TSHZ3: variants seen among roughly 807,000 people sequenced by gnomAD.
TSHZ3 encodes teashirt zinc finger homeobox 3.
TSHZ3 carries 10 observed loss-of-function variants against 64.5 expected under a neutral mutation model. The observed-to-expected ratio is 0.16, with a 90% CI of 0.10 to 0.26. The LOEUF is 0.26. TSHZ3 is among the 10% of genes least tolerant of loss of function. TSHZ3 has a pLI of 1.00. For synonymous variants in TSHZ3, 608 were observed against 593.1 expected, an observed-to-expected ratio of 1.03 and a Z score of -0.36; for missense variants, 1,242 against 1,421.7, an observed-to-expected ratio of 0.87 and a Z score of 2.03.
intron 5 of TSHZ3, among the ~76,000 whole-genome samples, chr19:31,186,558 C>A (rs1205696738): frequency 1.3e-5 from 2 of 152,194 alleles, no homozygotes; most frequent in Non-Finnish European, 2.9e-5. Context: ...GTCAATTAAA[C>A]CTCTTTTCTT....
chr19:31,218,034 G>C (rs184927050), intron 4 of TSHZ3, among the ~76,000 whole-genome samples: 45 of 152,298 alleles, frequency 3.0e-4, no homozygotes, highest in Non-Finnish European at 2.9e-4. Flanking sequence ...CCGTGAAAGA[G>C]AGAAATGATA....
At chr19:31,150,684 C>T (rs909290888) in exon 7 of TSHZ3, among the ~76,000 whole-genome samples, 1 of 152,160 alleles carries the variant, frequency 6.6e-6, no homozygotes, top group African/African-American at 2.4e-5. Context: ...ATCCTCTCTG[C>T]CATTGGGCCC....
chr19:31,152,460 A>G (rs1974254513), intron 6 of TSHZ3, among the ~76,000 whole-genome samples: 1 of 152,114 alleles, frequency 6.6e-6, no homozygotes, highest in Non-Finnish European at 1.5e-5. Context: ...AAAAGAAAGG[A>G]AGAAGAATAA....
At chr19:31,282,174 G>A (rs552335940) in intron 1 of TSHZ3, among the ~76,000 whole-genome samples, 72 of 152,210 alleles carry the variant, frequency 4.7e-4, no homozygotes, top group South Asian at 2.1e-3. Context: ...TATTGTAAAC[G>A]GGGAAAGAGG....
chr19:31,253,056 A>T (rs1444966017), intron 1 of TSHZ3, among the ~76,000 whole-genome samples: 1 of 152,210 alleles, frequency 6.6e-6, no homozygotes, highest in Non-Finnish European at 1.5e-5. Flanking sequence ...CAATATATAG[A>T]TCTTGATAAT....
intron 1 of TSHZ3, among the ~76,000 whole-genome samples, chr19:31,312,602 C>A (rs1017975162): frequency 6.6e-6 from 1 of 152,106 alleles, no homozygotes; most frequent in South Asian, 2.1e-4. Flanking sequence ...CTTTCAGGGC[C>A]CCTTTGGGAA....
At chr19:31,253,793 CCCA>C (rs1250108963) in intron 1 of TSHZ3, among the ~76,000 whole-genome samples, 1 of 152,172 alleles carries the variant, frequency 6.6e-6, no homozygotes, top group African/African-American at 2.4e-5. Context: ...CTCCCTGTCC[CCCA>C]CCCACCAGTT....
intron 5 of TSHZ3, among the ~76,000 whole-genome samples, chr19:31,160,923 G>A (rs1450507777): frequency 6.6e-6 from 1 of 152,072 alleles, no homozygotes; most frequent in Non-Finnish European, 1.5e-5. Context: ...GCTGATATAT[G>A]TATGTCTGTG....
intron 5 of TSHZ3, among the ~76,000 whole-genome samples, chr19:31,170,550 T>A (rs1247051560): frequency 3.3e-5 from 5 of 152,190 alleles, no homozygotes; most frequent in Non-Finnish European, 7.3e-5. Context: ...CACATCTACA[T>A]GCTCTTGGGT....
intron 1 of TSHZ3, among the ~76,000 whole-genome samples, chr19:31,333,640 A>G (rs945524768): frequency 2.6e-5 from 4 of 151,730 alleles, no homozygotes; most frequent in African/African-American, 7.3e-5. Context: ...TGTCACTCCA[A>G]CCTGAGCTCT....
chr19:31,193,373 C>T (rs1403795860), intron 5 of TSHZ3, among the ~76,000 whole-genome samples: 1 of 152,168 alleles, frequency 6.6e-6, no homozygotes, highest in Non-Finnish European at 1.5e-5. Flanking sequence ...GAAGGAAGCC[C>T]TCTGTGGCCA....
At chr19:31,161,158 T>C (rs1413677203) in intron 5 of TSHZ3, among the ~76,000 whole-genome samples, 1 of 152,176 alleles carries the variant, frequency 6.6e-6, no homozygotes, top group Non-Finnish European at 1.5e-5. Flanking sequence ...TGTATGTGTA[T>C]AAACACATAA....
chr19:31,302,307 C>T (rs1290888069), intron 1 of TSHZ3, among the ~76,000 whole-genome samples: 1 of 152,126 alleles, frequency 6.6e-6, no homozygotes, highest in East Asian at 1.9e-4. Flanking sequence ...ACAGACTCTG[C>T]CCATGTCCAG....
intron 6 of TSHZ3, among the ~76,000 whole-genome samples, chr19:31,153,891 T>A (rs1189361577): frequency 6.6e-6 from 1 of 152,240 alleles, no homozygotes; most frequent in Non-Finnish European, 1.5e-5. Flanking sequence ...TTGGCCCCAA[T>A]TCTCAGCCTT....
chr19:31,186,681 AAGAG>A (rs1411982398), intron 5 of TSHZ3, among the ~76,000 whole-genome samples: 1 of 152,248 alleles, frequency 6.6e-6, no homozygotes, highest in Non-Finnish European at 1.5e-5. Context: ...CCAACAATGT[AAGAG>A]AGCTCTGCAA....
At chr19:31,289,218 G>C (rs1976519363) in intron 1 of TSHZ3, among the ~76,000 whole-genome samples, 1 of 152,196 alleles carries the variant, frequency 6.6e-6, no homozygotes, top group South Asian at 2.1e-4. Context: ...ATGACCCCTA[G>C]GCTCACCCCT....
At chr19:31,263,152 G>C (rs1183768481) in intron 1 of TSHZ3, among the ~76,000 whole-genome samples, 1 of 152,200 alleles carries the variant, frequency 6.6e-6, no homozygotes, top group Non-Finnish European at 1.5e-5. Context: ...GGCTGGCTCA[G>C]AATTGCAGCC....
Position 31,279,337 on chromosome 19 carries a change from G to A in TSHZ3, c.456C>T (p.Ser152=), listed in dbSNP as rs1976319284. Residue 152 remains serine, a synonymous_variant, in exon 2 of 2, where the codon AGC becomes AGT. Transcript: ENST00000240587. This position sits in a 1 kb window ranked among gnomAD's most constrained non-coding sequence, Gnocchi z 6.4. ...SSEKNNGSSS[S]SSSSSSSCGS... ...CACAGCTGCTGCTGCTGCTACTGCTGCTGCTGCTGCTGCCGTTGTTCTTCT... is the reference window on the plus strand; with the variant it reads ...CACAGCTGCTGCTGCTGCTACTGCTACTGCTGCTGCTGCCGTTGTTCTTCT... 6.2e-7 allele frequency: 1 copy of A among 1,613,552 alleles called. No homozygotes were observed. The highest frequency in any genetic ancestry group is 1.3e-5 in the African/African-American group (1 of 74,924).
intron 5 of TSHZ3, among the ~76,000 whole-genome samples, chr19:31,174,225 G>A (rs569277330): frequency 6.6e-6 from 1 of 152,318 alleles, no homozygotes; most frequent in South Asian, 2.1e-4. Context: ...AGAGCTAAGT[G>A]TACATTCCAG....
Sources: allele counts gnomAD v4.1 joint callset (sites outside exome capture counted in the v4.1 genomes callset), GRCh38; gene constraint gnomAD v4.1.1; non-coding constraint Gnocchi (gnomAD v3.1); transcripts MANE v1.5; gene names NCBI Gene and HGNC (gene_info 2026-07-23, HGNC 2026-07-21).